TBX19: variants seen among roughly 807,000 people sequenced by gnomAD.
TBX19 encodes T-box transcription factor 19.
TBX19 carries 33 observed loss-of-function variants against 40.9 expected under a neutral mutation model. That is an observed-to-expected ratio of 0.81 (90% confidence interval 0.61 to 1.08). The LOEUF is 1.08. Ranked by LOEUF, TBX19 falls within the 50% of genes least tolerant of loss-of-function variation. The pLI is 0.00. For missense variants in TBX19, 494 were observed against 574.0 expected (o/e 0.86, Z 1.42); for synonymous variants, 220 against 225.0 (o/e 0.98, Z 0.20).
intron 4 of TBX19, among the ~76,000 whole-genome samples, chr1:168,298,885 TTCTTTCTTTCTTTC>T (rs1649196463): frequency 6.6e-5 from 8 of 122,088 alleles, no homozygotes; most frequent in East Asian, 5.3e-4. Context: ...CTTTCTTTCT[TTCTTTCTTTCTTTC>T]TCTCTCTCTC....
At chr1:168,305,678 T>G (rs187263802) in intron 6 of TBX19, among the ~76,000 whole-genome samples, 1 of 152,240 alleles carries the variant, frequency 6.6e-6, no homozygotes, top group Non-Finnish European at 1.5e-5. Flanking sequence ...TCTGATTCAG[T>G]TGGAGACATG....
chr1:168,309,342 C>T (rs984605692), intron 7 of TBX19, among the ~76,000 whole-genome samples: 10 of 152,090 alleles, frequency 6.6e-5, no homozygotes, highest in Non-Finnish European at 1.5e-4. Context: ...CATTGCACTC[C>T]AGCTTGGGCA....
intron 7 of TBX19, among the ~76,000 whole-genome samples, chr1:168,312,443 T>C (rs1182134683): frequency 6.6e-6 from 1 of 152,180 alleles, no homozygotes; most frequent in African/African-American, 2.4e-5. Flanking sequence ...ATAAATGAAA[T>C]TCTGTGTCTA....
Position 168,313,696 on chromosome 1 carries a change from T to G in TBX19, c.*694T>G, listed in dbSNP as rs1649577365. On this transcript the variant is annotated 3_prime_UTR_variant, in exon 8 of 8. Transcript: ENST00000367821. The stretch of plus-strand genomic sequence containing the variant: ...TGGAGGCCAAGGTAAGAGGATCGCT[T>G]GAGGTCAGGAGTTCGAGACCAGCTT... 6.5e-6 allele frequency: 1 copy of G among 152,856 alleles called. No individual in the cohort carries two copies. Among genetic ancestry groups the G allele is most frequent in the South Asian group, 2.1e-4 (1 of 4,844 alleles). 9.5% of individuals were successfully genotyped at this position (152,856 alleles called of 1,614,324 possible).
In TBX19 at chr1:168,281,161, A is replaced by T. The variant is rs1648637634; in HGVS notation, c.71A>T (p.Glu24Val). The T allele has an allele frequency of 6.2e-7, 1 of 1,614,016 alleles. No individual in the cohort carries two copies. The highest frequency in any genetic ancestry group is 8.5e-7 in the Non-Finnish European group (1 of 1,180,030). ...GTTTCTCATCTGCTCAATGTGGTGG[A>T]GAGTGAGCTTCAGGCAGGGAGGGAA... Reference protein sequence around the residue: ...GTVSHLLNVVESELQAGREKG... With the variant: ...GTVSHLLNVVVSELQAGREKG... Residue 24 changes from glutamate (E) to valine (V), a missense_variant, in exon 1 of 8, where the codon GAG becomes GTG. By Grantham distance (121) the Glu-to-Val change is moderately radical. This residue lies in a region of TBX19 where 201 missense variants were observed against 235.2 expected (regional missense o/e 0.85). Transcript: ENST00000367821.
chr1:168,309,373 C>CA (rs1454227648), intron 7 of TBX19, among the ~76,000 whole-genome samples: 1 of 151,980 alleles, frequency 6.6e-6, no homozygotes, highest in Non-Finnish European at 1.5e-5. Context: ...AACTCCGTCT[C>CA]AAAAAATAAA....
intron 3 of TBX19, among the ~76,000 whole-genome samples, chr1:168,294,601 A>G (rs1239498862): frequency 2.6e-5 from 4 of 151,910 alleles, no homozygotes; most frequent in Admixed American, 6.6e-5. Flanking sequence ...TCTGAGATTC[A>G]AGTGATTCTC....
Position 168,313,483 on chromosome 1 carries a change from G to A in TBX19, c.*481G>A, listed in dbSNP as rs1649573181. 4.9e-6 allele frequency: 1 copy of A among 204,506 alleles called. No homozygotes were observed. The highest frequency in any genetic ancestry group is 2.3e-5 in the African/African-American group (1 of 42,638). The allele number at this position is 204,506 out of a possible 1,614,324, so 12.7% of individuals were successfully genotyped here. A position where few individuals can be genotyped will look rare whatever the true frequency, so the allele number is the denominator to read the frequency against. ...ACCAGGATGGGGTGTAAGCCATAGA[G>A]TAAGGTTAACAAAAAGAATAAAGCT... is the stretch of plus-strand genomic sequence containing the variant. On this transcript the variant is annotated 3_prime_UTR_variant, in exon 8 of 8. Transcript: ENST00000367821.
At chr1:168,300,600 A>C in intron 5 of TBX19, 117 bp downstream of exon 5, 1 of 948,604 alleles carries the variant, frequency 1.1e-6, no homozygotes, top group Non-Finnish European at 1.7e-6. Flanking sequence ...TCAAAACCCA[A>C]CACACAGTTT....
At chr1:168,284,811 G>A (rs1343661476) in intron 1 of TBX19, among the ~76,000 whole-genome samples, 1 of 142,896 alleles carries the variant, frequency 7.0e-6, no homozygotes, top group African/African-American at 2.6e-5. Context: ...TCTTGCTTTT[G>A]TTTTCTTTAC....
Position 168,313,582 on chromosome 1 carries a change from T to A in TBX19, c.*580T>A, listed in dbSNP as rs1649574689. ...CATGTCACTCCTCTGCTCAGAAACCTTCAATGGTTCACCATTACCAGTGGA... is the reference window on the plus strand; with the variant it reads ...CATGTCACTCCTCTGCTCAGAAACCATCAATGGTTCACCATTACCAGTGGA... On this transcript the variant is annotated 3_prime_UTR_variant, in exon 8 of 8. Coordinates refer to ENST00000367821, the MANE Select transcript of TBX19 (RefSeq NM_005149.3). 1 of 161,306 alleles carries A rather than the reference T, an allele frequency of 6.2e-6. No homozygotes were observed. Among genetic ancestry groups the A allele is most frequent in the African/African-American group, 2.4e-5 (1 of 41,520 alleles). 10.0% of individuals were successfully genotyped at this position (161,306 alleles called of 1,614,324 possible). A position where few individuals can be genotyped will look rare whatever the true frequency, so the allele number is the denominator to read the frequency against.
intron 6 of TBX19, among the ~76,000 whole-genome samples, chr1:168,307,587 C>T (rs1352725507): frequency 6.6e-6 from 1 of 152,110 alleles, no homozygotes; most frequent in Non-Finnish European, 1.5e-5. Flanking sequence ...CAAACCATAG[C>T]ACCAGAGATA....
chr1:168,286,236 G>A (rs1488280405), intron 1 of TBX19, among the ~76,000 whole-genome samples: 1 of 152,184 alleles, frequency 6.6e-6, no homozygotes, highest in East Asian at 1.9e-4. Flanking sequence ...TTTATTAACA[G>A]CTTTGTGATG....
At chr1:168,299,240 G>A (rs1187099688) in intron 4 of TBX19, among the ~76,000 whole-genome samples, 1 of 151,798 alleles carries the variant, frequency 6.6e-6, no homozygotes, top group Non-Finnish European at 1.5e-5. Context: ...TTGCATCCCA[G>A]GAAAAAGAAG....
chr1:168,312,999 T>C lies in TBX19; in HGVS notation c.1344T>C (p.Gly448=). 1 of 1,614,044 alleles carries C rather than the reference T, an allele frequency of 6.2e-7. No homozygotes were observed. Among genetic ancestry groups the C allele is most frequent in the Non-Finnish European group, 8.5e-7 (1 of 1,180,010 alleles). The change falls in exon 8 of 8, where the codon GGT becomes GGC. Residue 448 remains glycine (G), a synonymous_variant. Coordinates refer to ENST00000367821, the MANE Select transcript of TBX19 (RefSeq NM_005149.3). ...GGHHSPSSLD[G] is the part of the protein sequence containing the mutation. ...ACCATTCTCCTTCCTCACTGGATGG[T>C]TAAGCAGGATCCTAGGAGCCTCTTT...
rs1649586046 is a variant in TBX19, at chr1:168,314,035, G to A, written c.*1033G>A. The A allele has an allele frequency of 1.3e-5, 2 of 152,278 alleles. No homozygotes were observed. Among genetic ancestry groups the A allele is most frequent in the South Asian group, 2.1e-4 (1 of 4,826 alleles). The allele number at this position is 152,278 out of a possible 1,614,324, so 9.4% of individuals were successfully genotyped here. On this transcript the variant is annotated 3_prime_UTR_variant, in exon 8 of 8. Transcript: ENST00000367821. The stretch of plus-strand genomic sequence containing the variant: ...TATCCTGTTGGCCTCCTATGTATTG[G>A]TCAAGGCAGGCATCTCTGTTCTCTG...
chr1:168,283,807 C>A (rs2102349924), intron 1 of TBX19, among the ~76,000 whole-genome samples: 1 of 152,262 alleles, frequency 6.6e-6, no homozygotes, highest in East Asian at 1.9e-4. Context: ...GACATTGTCA[C>A]CTTGACTTTT....
Position 168,293,221 on chromosome 1 carries a change from A to G in TBX19, c.546A>G (p.Thr182=). 2 of 1,613,938 alleles carry G rather than the reference A, an allele frequency of 1.2e-6. No individual in the cohort carries two copies. ...VRVGSAHRMV[T]NCSFPETQFI... The stretch of plus-strand genomic sequence containing the variant: ...TTGGAAGTGCCCATCGAATGGTAAC[A>G]AACTGCTCCTTCCCTGAAACCCAGT... The change falls in exon 3 of 8, where the codon ACA becomes ACG. Residue 182 remains threonine (T), a synonymous_variant. Coordinates refer to ENST00000367821, the MANE Select transcript of TBX19 (RefSeq NM_005149.3).
At chr1:168,283,710 C>G (rs1379466729) in intron 1 of TBX19, among the ~76,000 whole-genome samples, 1 of 152,174 alleles carries the variant, frequency 6.6e-6, no homozygotes, top group African/African-American at 2.4e-5. Context: ...AGATTTGTGG[C>G]CCTTCCCTGT....
Sources: gnomAD v4.1 joint callset for allele counts (sites outside exome capture counted in the v4.1 genomes callset) on GRCh38, gnomAD v4.1.1 for gene constraint, gnomAD v4.1.1 regional missense constraint, MANE v1.5 for transcripts, NCBI Gene and HGNC (gene_info 2026-07-23, HGNC 2026-07-21) for gene names.